Variants in FNDC3B observed in about 807,000 individuals in gnomAD.
The protein encoded by FNDC3B is fibronectin type III domain-containing protein 3B.
In FNDC3B, 12 loss-of-function variants were observed where a neutral mutation model predicts 151.5. The ratio of observed to expected loss-of-function variants is 0.08; its 90% CI spans 0.05 to 0.13. The LOEUF (loss-of-function observed/expected upper bound fraction) is 0.13, where lower values mean the gene tolerates loss of function less well. Among genes scored for constraint, FNDC3B ranks in the 10% least tolerant of loss-of-function variants. The pLI is 1.00. For synonymous variants in FNDC3B, 528 were observed against 549.0 expected, an observed-to-expected ratio of 0.96 and a Z score of 0.54; for missense variants, 1,214 against 1,505.3, an observed-to-expected ratio of 0.81 and a Z score of 3.20.
At chr3:172,203,437 G>A (rs932946000) in intron 3 of FNDC3B, among the ~76,000 whole-genome samples, 4 of 152,124 alleles carry the variant, frequency 2.6e-5, no homozygotes, top group Non-Finnish European at 5.9e-5. Flanking sequence ...TGAGGATTTG[G>A]TGAAATTTTG....
At chr3:172,250,091 G>A (rs1002491624) in intron 5 of FNDC3B, among the ~76,000 whole-genome samples, 3 of 151,970 alleles carry the variant, frequency 2.0e-5, no homozygotes, top group Non-Finnish European at 2.9e-5. Flanking sequence ...TTTATGTTAC[G>A]CATTGTCATT....
At chr3:172,045,635 G>A (rs755550367) in intron 1 of FNDC3B, among the ~76,000 whole-genome samples, 1 of 152,042 alleles carries the variant, frequency 6.6e-6, no homozygotes, top group Non-Finnish European at 1.5e-5. Context: ...TCTTGTTAAC[G>A]AGGTTAATCC....
chr3:172,367,904 T>G (rs1208949356), intron 23 of FNDC3B, among the ~76,000 whole-genome samples: 1 of 152,206 alleles, frequency 6.6e-6, no homozygotes, highest in Non-Finnish European at 1.5e-5. Flanking sequence ...TTGCTCTCCA[T>G]TAACTCAGCC....
chr3:172,194,048 G>A (rs1455488431), intron 3 of FNDC3B, among the ~76,000 whole-genome samples: 4 of 151,884 alleles, frequency 2.6e-5, no homozygotes, highest in South Asian at 2.1e-4. Flanking sequence ...GTGAAACCCC[G>A]TCTCTACTAA....
At chr3:172,188,803 T>C (rs540972255) in intron 3 of FNDC3B, among the ~76,000 whole-genome samples, 7 of 152,330 alleles carry the variant, frequency 4.6e-5, no homozygotes, top group African/African-American at 1.4e-4. Flanking sequence ...TTTTGGATTC[T>C]ATATCTTCAG....
chr3:172,366,921 A>G (rs1734652169), intron 23 of FNDC3B, among the ~76,000 whole-genome samples: 1 of 152,174 alleles, frequency 6.6e-6, no homozygotes, highest in Admixed American at 6.6e-5. Context: ...TTCTCCAAGT[A>G]ACTGTCTCTA....
intron 17 of FNDC3B, among the ~76,000 whole-genome samples, chr3:172,341,838 C>T (rs13081977): frequency 0.14 from 20,600 of 152,140 alleles, 2,084 homozygotes; most frequent in East Asian, 0.49. Context: ...ATGTCAGGAG[C>T]CTTAGTTTCA....
intron 1 of FNDC3B, among the ~76,000 whole-genome samples, chr3:172,088,733 A>T (rs9841859): frequency 1.3e-5 from 2 of 151,928 alleles, no homozygotes; most frequent in Non-Finnish European, 2.9e-5. Context: ...TAAATTTTAC[A>T]TAGTGAAATC....
intron 10 of FNDC3B, among the ~76,000 whole-genome samples, chr3:172,308,044 A>T (rs745827208): frequency 1.3e-5 from 2 of 152,242 alleles, no homozygotes; most frequent in African/African-American, 2.4e-5. Context: ...GAGATAAAGT[A>T]GTTTTATGGC....
intron 25 of FNDC3B, among the ~76,000 whole-genome samples, chr3:172,395,212 T>G (rs946677817): frequency 1.3e-5 from 2 of 152,244 alleles, no homozygotes; most frequent in African/African-American, 4.8e-5. Flanking sequence ...GCCAAATCGC[T>G]TATTGATTTG....
At chr3:172,134,050 A>G (rs1406369285) in intron 3 of FNDC3B, among the ~76,000 whole-genome samples, 1 of 152,208 alleles carries the variant, frequency 6.6e-6, no homozygotes, top group Admixed American at 6.5e-5. Context: ...TGCCCAACAC[A>G]GGCTACTCTT....
At chr3:172,223,502 G>GTAAA (rs1307544273) in intron 3 of FNDC3B, among the ~76,000 whole-genome samples, 44 of 152,284 alleles carry the variant, frequency 2.9e-4, no homozygotes, top group African/African-American at 1.0e-3. Flanking sequence ...TCACATGCTT[G>GTAAA]TCCTACATTC....
At chr3:172,092,336 T>G (rs534255289) in intron 1 of FNDC3B, among the ~76,000 whole-genome samples, 1 of 152,318 alleles carries the variant, frequency 6.6e-6, no homozygotes, top group East Asian at 1.9e-4. Context: ...GGACTCTACC[T>G]TGTGTTAGGT....
intron 4 of FNDC3B, among the ~76,000 whole-genome samples, chr3:172,228,536 G>A (rs778907075): frequency 4.0e-5 from 6 of 151,762 alleles, no homozygotes; most frequent in Non-Finnish European, 5.9e-5. Context: ...GCATGTACTA[G>A]GAAAAGTGGA....
At chr3:172,344,388 G>C in intron 19 of FNDC3B, 130 bp downstream of exon 19, 1 of 683,104 alleles carries the variant, frequency 1.5e-6, no homozygotes, top group Non-Finnish European at 2.4e-6. Context: ...CATTAATGCA[G>C]TGTCTGTAAA....
At chr3:172,257,076 A>G in intron 6 of FNDC3B, among the ~76,000 whole-genome samples, 1 of 151,906 alleles carries the variant, frequency 6.6e-6, no homozygotes, top group Non-Finnish European at 1.5e-5. Flanking sequence ...ATGCCTGGCT[A>G]ATTTTTGTAT....
chr3:172,345,283 G>A (rs1733546655), intron 19 of FNDC3B, among the ~76,000 whole-genome samples: 1 of 152,150 alleles, frequency 6.6e-6, no homozygotes, highest in Non-Finnish European at 1.5e-5. Flanking sequence ...AATCATGTAA[G>A]CGAAAAGAAG....
chr3:172,327,027 C>T (rs1003043855), intron 11 of FNDC3B, among the ~76,000 whole-genome samples: 1 of 152,230 alleles, frequency 6.6e-6, no homozygotes, highest in South Asian at 2.1e-4. Flanking sequence ...GAAATGGATA[C>T]GACACATACC....
intron 3 of FNDC3B, among the ~76,000 whole-genome samples, chr3:172,160,121 A>G (rs1171358064): frequency 1.3e-5 from 2 of 152,178 alleles, no homozygotes; most frequent in African/African-American, 2.4e-5. Flanking sequence ...TTCATCTGGC[A>G]TGGTCCTGAA....
Sources: allele counts gnomAD v4.1 joint callset (sites outside exome capture counted in the v4.1 genomes callset), GRCh38; gene constraint gnomAD v4.1.1; transcripts MANE v1.5; gene names NCBI Gene and HGNC (gene_info 2026-07-23, HGNC 2026-07-21).